LPGAT1: variants seen among roughly 807,000 people sequenced by gnomAD.
LPGAT1 encodes acyl-CoA:lysophosphatidylglycerol acyltransferase 1.
LPGAT1 carries 11 observed loss-of-function variants against 47.5 expected under a neutral mutation model. That is an observed-to-expected ratio of 0.23 (90% CI 0.15 to 0.38). The LOEUF (loss-of-function observed/expected upper bound fraction) is 0.38. Among genes scored for constraint, LPGAT1 ranks in the 10% least tolerant of loss-of-function variants. LPGAT1 has a pLI of 1.00. For synonymous variants in LPGAT1, 138 were observed against 144.2 expected, an observed-to-expected ratio of 0.96 and a Z score of 0.31; for missense variants, 293 against 439.0, an observed-to-expected ratio of 0.67 and a Z score of 2.97.
intron 2 of LPGAT1, chr1:211,803,175 A>G (rs1255768449): frequency 6.6e-6 from 1 of 152,184 alleles, no homozygotes; most frequent in Non-Finnish European, 1.5e-5. Context: ...CCAAATAACC[A>G]ATCAGGTGCA....
intron 6 of LPGAT1, among the ~76,000 whole-genome samples, chr1:211,772,237 G>A (rs866892880): frequency 3.9e-5 from 6 of 152,158 alleles, no homozygotes; most frequent in African/African-American, 9.7e-5. Context: ...CAATCATAAC[G>A]TGAGTTCACA....
At chr1:211,787,118 A>G (rs1658912284) in intron 4 of LPGAT1, among the ~76,000 whole-genome samples, 1 of 152,218 alleles carries the variant, frequency 6.6e-6, no homozygotes. Context: ...GAATATTTGC[A>G]TTTTAAGTAT....
chr1:211,822,886 G>A (rs1027134253), intron 2 of LPGAT1, among the ~76,000 whole-genome samples: 1 of 151,940 alleles, frequency 6.6e-6, no homozygotes, highest in Non-Finnish European at 1.5e-5. Context: ...TGGAGTTTTT[G>A]TTCTCCACAT....
intron 2 of LPGAT1, among the ~76,000 whole-genome samples, chr1:211,810,647 T>C (rs1659954984): frequency 6.6e-6 from 1 of 152,154 alleles, no homozygotes; most frequent in Non-Finnish European, 1.5e-5. Flanking sequence ...CTTCAAGAAG[T>C]TTGCTCACTT....
intron 2 of LPGAT1, among the ~76,000 whole-genome samples, chr1:211,818,836 G>C (rs1660267093): frequency 6.6e-6 from 1 of 152,182 alleles, no homozygotes; most frequent in African/African-American, 2.4e-5. Flanking sequence ...AATGGAAATA[G>C]AGTGGATGTC....
At chr1:211,787,822 T>C (rs1658949703) in intron 3 of LPGAT1, 95 bp from the exon 4 acceptor site, 7 of 707,952 alleles carry the variant, frequency 9.9e-6, no homozygotes. Flanking sequence ...CATCCAAGCA[T>C]ACTTTTAATT....
chr1:211,784,873 G>A (rs1360136827), intron 4 of LPGAT1, among the ~76,000 whole-genome samples: 3 of 148,688 alleles, frequency 2.0e-5, no homozygotes, highest in Non-Finnish European at 3.0e-5. Flanking sequence ...GTGCGATCTC[G>A]GGTCACTGCA....
chr1:211,773,786 T>C (rs1321280295), intron 6 of LPGAT1, among the ~76,000 whole-genome samples: 1 of 152,148 alleles, frequency 6.6e-6, no homozygotes. Flanking sequence ...TGTCTTCCAG[T>C]TTGATAGAAA....
intron 2 of LPGAT1, among the ~76,000 whole-genome samples, chr1:211,796,212 GA>G (rs1260752767): frequency 6.6e-6 from 1 of 152,096 alleles, no homozygotes; most frequent in Non-Finnish European, 1.5e-5. Flanking sequence ...AACATAAATT[GA>G]ATTTGGAACC....
At chr1:211,805,441 T>C (rs972930189) in intron 2 of LPGAT1, among the ~76,000 whole-genome samples, 4 of 152,218 alleles carry the variant, frequency 2.6e-5, no homozygotes, top group Admixed American at 2.6e-4. Flanking sequence ...CAAGCATTAC[T>C]GAATGCATGT....
intron 2 of LPGAT1, among the ~76,000 whole-genome samples, chr1:211,798,712 A>G (rs1659448658): frequency 6.6e-6 from 1 of 152,164 alleles, no homozygotes; most frequent in Non-Finnish European, 1.5e-5. Flanking sequence ...ACAACAAAAA[A>G]CAAATAAAAA....
intron 6 of LPGAT1, among the ~76,000 whole-genome samples, chr1:211,771,111 A>C (rs919858208): frequency 3.3e-4 from 50 of 152,170 alleles, no homozygotes; most frequent in African/African-American, 1.1e-3. Flanking sequence ...AAAAAAAAAA[A>C]AAACAACTTT....
In LPGAT1 at chr1:211,794,388, A is replaced by C. The variant is rs145011871; in HGVS notation, c.239-1198T>G. On this transcript the variant is annotated intron_variant, in intron 2 of 7. Transcript: ENST00000366997. Reference sequence around the variant, plus strand: ...ATCACAATGGCTCACTGCAGCTTCAAGCTCCCTGGGCTCAGTGACCCTCCT... The same window carrying C: ...ATCACAATGGCTCACTGCAGCTTCACGCTCCCTGGGCTCAGTGACCCTCCT... Among the ~76,000 whole-genome samples the C allele has an allele frequency of 8.4e-4, 128 of 152,256 alleles. 1 individual carries two copies. The highest frequency in any genetic ancestry group is 3.0e-3 in the African/African-American group (123 of 41,548).
chr1:211,829,950 G>A (rs1011160463), intron 1 of LPGAT1: 1 of 984,888 alleles, frequency 1.0e-6, no homozygotes, highest in Non-Finnish European at 1.2e-6. Flanking sequence ...GTTATAATGC[G>A]AAAAAGAGGA....
chr1:211,778,865 A>AT, intron 6 of LPGAT1, 53 bp downstream of exon 6: 1 of 1,389,892 alleles, frequency 7.2e-7, no homozygotes, highest in Non-Finnish European at 9.6e-7. Context: ...CATTCATACT[A>AT]TTCTGAGGTA....
Position 211,749,710 on chromosome 1 carries a change from G to A in LPGAT1, c.*189C>T, listed in dbSNP as rs1657094368. 1.7e-6 allele frequency: 1 copy of A among 584,298 alleles called. No homozygotes were observed. Among genetic ancestry groups the A allele is most frequent in the Non-Finnish European group, 3.0e-6 (1 of 335,660 alleles). 36.2% of individuals were successfully genotyped at this position (584,298 alleles called of 1,614,324 possible). On this transcript the variant is annotated 3_prime_UTR_variant, in exon 8 of 8. Coordinates refer to ENST00000366997, the MANE Select transcript of LPGAT1 (RefSeq NM_014873.3). Reference sequence around the variant, plus strand: ...AACATGTTCTTAAAATATATTAGCAGGTCATTATATTACTAATCCTCATTT... The same window carrying A: ...AACATGTTCTTAAAATATATTAGCAAGTCATTATATTACTAATCCTCATTT...
intron 6 of LPGAT1, among the ~76,000 whole-genome samples, chr1:211,773,559 A>G (rs1658265511): frequency 6.6e-6 from 1 of 152,210 alleles, no homozygotes; most frequent in South Asian, 2.1e-4. Context: ...CAAGATTTTA[A>G]ACATGAAAAG....
intron 5 of LPGAT1, among the ~76,000 whole-genome samples, chr1:211,780,709 C>T (rs72746525): frequency 0.084 from 12,719 of 152,090 alleles, 651 homozygotes; most frequent in Admixed American, 0.15. Context: ...ACACACTTTA[C>T]CAAGCTACCA....
intron 6 of LPGAT1, among the ~76,000 whole-genome samples, chr1:211,776,483 C>CCAG (rs1228696662): frequency 6.6e-6 from 1 of 151,948 alleles, no homozygotes; most frequent in African/African-American, 2.4e-5. Flanking sequence ...GTTGCAGTGC[C>CCAG]CACTGCACTC....
Sources: gnomAD v4.1 joint callset for allele counts (sites outside exome capture counted in the v4.1 genomes callset) on GRCh38, gnomAD v4.1.1 for gene constraint, MANE v1.5 for transcripts, NCBI Gene and HGNC (gene_info 2026-07-23, HGNC 2026-07-21) for gene names.